COP1: variants seen among roughly 807,000 people sequenced by gnomAD.
The protein encoded by COP1 is COP1 E3 ubiquitin ligase, also known as E3 ubiquitin-protein ligase COP1.
In COP1, 24 loss-of-function variants were observed where a neutral mutation model predicts 101.3. The ratio of observed to expected loss-of-function variants is 0.24; its 90% confidence interval spans 0.17 to 0.33. The LOEUF (loss-of-function observed/expected upper bound fraction) is 0.33. Ranked by LOEUF, COP1 falls within the 10% of genes least tolerant of loss-of-function variation. The probability of loss-of-function intolerance (pLI) is 1.00; values close to 1 mark genes in which losing one functional copy is unlikely to be tolerated. For synonymous variants in COP1, 347 were observed against 341.9 expected (o/e 1.01, Z -0.17); for missense variants, 663 against 906.2 (o/e 0.73, Z 3.45).
At chr1:176,108,577 T>C (rs1684747420) in intron 9 of COP1, among the ~76,000 whole-genome samples, 1 of 152,078 alleles carries the variant, frequency 6.6e-6, no homozygotes, top group African/African-American at 2.4e-5. Context: ...CCTTCCCCAA[T>C]ATGCACATGG....
At chr1:176,081,122 A>C in intron 11 of COP1, 30 bp downstream of exon 11, 1 of 1,545,230 alleles carries the variant, frequency 6.5e-7, no homozygotes. Flanking sequence ...CATTCTTACA[A>C]AAGAAAATAG....
Position 176,207,002 on chromosome 1 carries a change from G to C in COP1, c.-24C>G. 1 of 1,367,928 alleles carries C rather than the reference G, an allele frequency of 7.3e-7. No homozygotes were observed. The highest frequency in any genetic ancestry group is 1.6e-5 in the South Asian group (1 of 61,584). 84.7% of individuals were successfully genotyped at this position (1,367,928 alleles called of 1,614,324 possible). On this transcript the variant is annotated 5_prime_UTR_variant, in exon 1 of 20. Transcript: ENST00000367669. The stretch of plus-strand genomic sequence containing the variant: ...ATCGTGACTCCCTCCCCTCCAGCCG[G>C]GCGCTCGGAGGAGAGGGACCGCGAC...
chr1:176,028,229 A>T (rs1473811546), intron 14 of COP1, among the ~76,000 whole-genome samples: 1 of 152,162 alleles, frequency 6.6e-6, no homozygotes, highest in Non-Finnish European at 1.5e-5. Context: ...TAACAGAATA[A>T]CATTAAAACC....
At chr1:176,116,796 G>T (rs1465797721) in intron 8 of COP1, 115 bp from the exon 9 acceptor site, 4 of 716,188 alleles carry the variant, frequency 5.6e-6, no homozygotes, top group Non-Finnish European at 9.3e-6. Context: ...TCTAAGCCAA[G>T]AAAATATTTA....
chr1:176,002,402 A>T (rs973519520), intron 15 of COP1, among the ~76,000 whole-genome samples: 29 of 151,698 alleles, frequency 1.9e-4, no homozygotes, highest in East Asian at 9.7e-4. Context: ...ATGTGCACAT[A>T]GTGCAGGTTA....
chr1:176,145,908 G>A (rs566739734), intron 6 of COP1, among the ~76,000 whole-genome samples: 9 of 152,256 alleles, frequency 5.9e-5, no homozygotes, highest in Admixed American at 2.0e-4. Flanking sequence ...TGGTCAGGGT[G>A]CTTCAGCCGT....
At chr1:176,124,447 T>C (rs555738645) in intron 8 of COP1, among the ~76,000 whole-genome samples, 1 of 147,234 alleles carries the variant, frequency 6.8e-6, no homozygotes, top group Admixed American at 6.9e-5. Flanking sequence ...CAGCTTCTGG[T>C]AACCATCTTT....
chr1:175,964,975 G>C (rs1300720821), intron 18 of COP1, among the ~76,000 whole-genome samples: 1 of 152,176 alleles, frequency 6.6e-6, no homozygotes, highest in African/African-American at 2.4e-5. Context: ...AGAAAAGAGA[G>C]TGTTAATTTG....
chr1:175,976,258 CAATT>C (rs1485844583), intron 18 of COP1, among the ~76,000 whole-genome samples: 4 of 106,646 alleles, frequency 3.8e-5, no homozygotes, highest in Admixed American at 2.2e-4. Flanking sequence ...GTCTCTATAT[CAATT>C]AGTCATTCTT....
chr1:176,163,849 T>C lies in COP1; in HGVS notation c.608A>G (p.Lys203Arg). The stretch of plus-strand genomic sequence containing the variant: ...CACTGAGTGGTCCAATTTGAACCTC[T>C]TTTCCTCAAATCTTTGCTTCTGTTT... ...ILKQKQRFEE[K>R]RFKLDHSVSS... Residue 203 changes from lysine (K) to arginine (R), a missense_variant, in exon 4 of 20, where the codon AAG becomes AGG. Lys to Arg is a conservative substitution (Grantham distance 26, BLOSUM62 2). This residue lies in a region of COP1 where 212 missense variants were observed against 240.7 expected (regional missense o/e 0.88). Transcript: ENST00000367669. The C allele has an allele frequency of 6.2e-7, 1 of 1,608,530 alleles. No individual in the cohort carries two copies. Among genetic ancestry groups the C allele is most frequent in the Non-Finnish European group, 8.5e-7 (1 of 1,176,446 alleles).
intron 2 of COP1, among the ~76,000 whole-genome samples, chr1:176,180,449 A>C (rs1697590040): frequency 6.6e-6 from 1 of 152,174 alleles, no homozygotes; most frequent in South Asian, 2.1e-4. Flanking sequence ...AGTGCTCAAC[A>C]ACAGGTGGGC....
At chr1:176,151,405 G>C (rs920905547) in intron 5 of COP1, among the ~76,000 whole-genome samples, 5 of 131,488 alleles carry the variant, frequency 3.8e-5, no homozygotes, top group African/African-American at 1.3e-4. Flanking sequence ...AAGAAAGAAA[G>C]AAAGAAAGAA....
In COP1 at chr1:176,112,041, T is replaced by C. The variant is rs556521314; in HGVS notation, c.1026+4583A>G. Among the ~76,000 whole-genome samples the C allele has an allele frequency of 2.6e-5, 4 of 152,314 alleles. No individual in the cohort carries two copies. The South Asian group carries it at 8.3e-4, about 32-fold the overall frequency. On this transcript the variant is annotated intron_variant, in intron 9 of 19. Transcript: ENST00000367669. ...CAGAGATTAGTCAGCTCTTCTTCCA[T>C]AAGTATTTTCTCTTTTAATCATCTA...
intron 9 of COP1, among the ~76,000 whole-genome samples, chr1:176,106,497 T>C (rs1320821162): frequency 2.0e-5 from 3 of 152,254 alleles, no homozygotes; most frequent in African/African-American, 7.2e-5. Context: ...TGACCTTCCC[T>C]AAACTGCTCT....
intron 9 of COP1, among the ~76,000 whole-genome samples, chr1:176,091,471 A>G (rs1248862193): frequency 6.6e-6 from 1 of 152,222 alleles, no homozygotes; most frequent in African/African-American, 2.4e-5. Flanking sequence ...TAAATAAGTG[A>G]TTCTAAATAT....
intron 1 of COP1, among the ~76,000 whole-genome samples, chr1:176,186,432 T>A (rs1698450958): frequency 6.6e-6 from 1 of 151,420 alleles, no homozygotes; most frequent in South Asian, 2.1e-4. Flanking sequence ...TCCCAGCTCC[T>A]CAAGAAGCTG....
In COP1 at chr1:175,944,853, G is replaced by A. The variant is rs1417770553; in HGVS notation, c.*300C>T. The A allele has an allele frequency of 8.3e-6, 3 of 362,684 alleles. No homozygotes were observed. Among genetic ancestry groups the A allele is most frequent in the African/African-American group, 6.3e-5 (3 of 47,326 alleles). 22.5% of individuals were successfully genotyped at this position (362,684 alleles called of 1,614,324 possible). ...AACTGTGGCTCAATAAACTTTTATT[G>A]TTTTGTTATTTATTTTTATTCAAAA... On this transcript the variant is annotated 3_prime_UTR_variant, in exon 20 of 20. Transcript: ENST00000367669.
chr1:176,106,049 G>T (rs1195475886), intron 9 of COP1, among the ~76,000 whole-genome samples: 1 of 151,894 alleles, frequency 6.6e-6, no homozygotes, highest in Non-Finnish European at 1.5e-5. Flanking sequence ...TTGTTTTTTT[G>T]AGACAGAGTC....
At chr1:176,034,832 A>G (rs1669208776) in intron 14 of COP1, among the ~76,000 whole-genome samples, 1 of 152,198 alleles carries the variant, frequency 6.6e-6, no homozygotes, top group Admixed American at 6.5e-5. Context: ...TACCACAGCA[A>G]AAGCTCTGAG....
Sources: gnomAD v4.1 joint callset for allele counts (sites outside exome capture counted in the v4.1 genomes callset) on GRCh38, gnomAD v4.1.1 for gene constraint, gnomAD v4.1.1 regional missense constraint, MANE v1.5 for transcripts, NCBI Gene and HGNC (gene_info 2026-07-23, HGNC 2026-07-21) for gene names.